The following EXOC7 variants were observed in gnomAD, a reference collection of about 807,000 sequenced individuals.
EXOC7 encodes the protein exocyst complex component 7.
EXOC7 carries 51 observed loss-of-function variants against 87.6 expected under a neutral mutation model. The observed-to-expected ratio is 0.58, with a 90% CI of 0.46 to 0.73. The LOEUF (loss-of-function observed/expected upper bound fraction) is 0.73. Among genes scored for constraint, EXOC7 ranks in the 30% least tolerant of loss-of-function variants. The pLI is 0.00. For synonymous variants in EXOC7, 327 were observed against 357.1 expected (o/e 0.92, Z 0.95); for missense variants, 744 against 888.4 (o/e 0.84, Z 2.07).
At chr17:76,102,450 AC>A (rs2068115457) in intron 2 of EXOC7, among the ~76,000 whole-genome samples, 1 of 147,414 alleles carries the variant, frequency 6.8e-6, no homozygotes, top group Non-Finnish European at 1.5e-5. Context: ...ACACACACAC[AC>A]ACACAATTAG....
intron 12 of EXOC7, 175 bp downstream of exon 12, chr17:76,087,479 A>C: frequency 1.6e-6 from 1 of 629,764 alleles, no homozygotes. Context: ...TCTGGTCTTG[A>C]AAGGTGCAGG....
At chr17:76,090,117 T>C (rs1053165356) in intron 7 of EXOC7, among the ~76,000 whole-genome samples, 5 of 152,204 alleles carry the variant, frequency 3.3e-5, no homozygotes, top group African/African-American at 9.6e-5. Context: ...CTTCTCCCCT[T>C]GGCCCAGGCC....
intron 2 of EXOC7, among the ~76,000 whole-genome samples, chr17:76,102,452 ACAC>A: frequency 1.4e-5 from 2 of 144,866 alleles, no homozygotes; most frequent in Non-Finnish European, 3.0e-5. Context: ...ACACACACAC[ACAC>A]AATTAGCAAG....
chr17:76,089,042 G>A (rs2067349169), intron 8 of EXOC7, 119 bp from the exon 9 acceptor site: 1 of 1,473,162 alleles, frequency 6.8e-7, no homozygotes, highest in Non-Finnish European at 9.3e-7. Flanking sequence ...GTGACGGGGA[G>A]GTGGTGAGCG....
intron 2 of EXOC7, 180 bp downstream of exon 2, chr17:76,103,181 G>A (rs2068158423): frequency 6.5e-6 from 4 of 614,976 alleles, no homozygotes; most frequent in Admixed American, 2.8e-5. Flanking sequence ...GTGAGGGTAC[G>A]GAACATGGGG....
rs756740050 is a variant in EXOC7, at chr17:76,094,403, TG to T, written c.808+10del. ...TGGCTGTTGCAGAGATGGGCCAGGATGGGGGCTCACCTGGCCGCTTGACTGG... is the reference window on the plus strand; with the variant it reads ...TGGCTGTTGCAGAGATGGGCCAGGATGGGGCTCACCTGGCCGCTTGACTGG... On this transcript the variant is annotated intron_variant, in intron 6 of 18. Transcript: ENST00000589210. 6.2e-7 allele frequency: 1 copy of T among 1,610,134 alleles called. No individual in the cohort carries two copies. Among genetic ancestry groups the T allele is most frequent in the East Asian group, 2.2e-5 (1 of 44,864 alleles).
intron 11 of EXOC7, 50 bp from the exon 12 acceptor site, chr17:76,087,770 C>T (rs1267960356): frequency 1.0e-5 from 16 of 1,538,612 alleles, no homozygotes; most frequent in Middle Eastern, 1.8e-4. Context: ...GCCCGGCCGA[C>T]GGCCTCCCAC....
intron 7 of EXOC7, chr17:76,090,318 G>A (rs1238180020): frequency 6.5e-7 from 1 of 1,550,362 alleles, no homozygotes; most frequent in East Asian, 2.4e-5. Context: ...GGGCTGGGCT[G>A]CGGTACTCAC....
At chr17:76,090,194 GGAGA>G in intron 7 of EXOC7, 1 of 981,844 alleles carries the variant, frequency 1.0e-6, no homozygotes, top group South Asian at 1.7e-5. Context: ...GAGAGAGAGT[GGAGA>G]GAGAGGCGCA....
rs774744376 is a variant in EXOC7, at chr17:76,081,739, C to T, written c.*1909G>A. ...TGCAGGCCCTGCCCAGCTCCTCCTCCTGCAACCCACTGCTCAGTAAGCCCT... is the reference window on the plus strand; with the variant it reads ...TGCAGGCCCTGCCCAGCTCCTCCTCTTGCAACCCACTGCTCAGTAAGCCCT... On this transcript the variant is annotated 3_prime_UTR_variant, in exon 19 of 19. Coordinates refer to ENST00000589210, the MANE Select transcript of EXOC7 (RefSeq NM_001013839.4). The T allele has an allele frequency of 3.0e-5, 48 of 1,614,098 alleles. No homozygotes were observed. Among genetic ancestry groups the T allele is most frequent in the Non-Finnish European group, 3.9e-5 (46 of 1,179,994 alleles).
At chr17:76,087,428 G>A (rs1262195436) in intron 12 of EXOC7, 4 of 576,504 alleles carry the variant, frequency 6.9e-6, no homozygotes, top group Non-Finnish European at 9.3e-6. Flanking sequence ...TCCAGGGCGA[G>A]GACGGTCAAA....
Position 76,085,737 on chromosome 17 carries a change from G to A in EXOC7, c.1556C>T (p.Pro519Leu). The A allele has an allele frequency of 6.2e-7, 1 of 1,614,082 alleles. No individual in the cohort carries two copies. Among genetic ancestry groups the A allele is most frequent in the Non-Finnish European group, 8.5e-7 (1 of 1,180,010 alleles). ...LLSKSKVYED[P>L]ALSAIFLHNN... ...GTGCAGGAAGATGGCGCTCAGAGCT[G>A]GGTCCTCGTACACCTTGGACTTGCT... The change falls in exon 14 of 19, where the codon CCA becomes CTA. Residue 519 changes from proline (P) to leucine (L), a missense_variant. Coordinates refer to ENST00000589210, the MANE Select transcript of EXOC7 (RefSeq NM_001013839.4).
At chr17:76,100,019 C>G (rs1349018391) in intron 4 of EXOC7, among the ~76,000 whole-genome samples, 1 of 152,072 alleles carries the variant, frequency 6.6e-6, no homozygotes, top group Admixed American at 6.6e-5. Flanking sequence ...GGAAGACTGC[C>G]TGAGCCCAGG....
rs1414611871 is a variant in EXOC7 at position 76,088,929 on chromosome 17, G to C, written c.1048-6C>G. 6.2e-6 allele frequency: 10 copies of C among 1,611,948 alleles called. No individual in the cohort carries two copies. In the African/African-American group the frequency reaches 9.3e-5, roughly 15 times the overall value. ...ATCAGCCCATCCAGGGCATCCTGAGGGGGCAGGGAGACAGTTCAGGGAAGG... is the reference window on the plus strand; with the variant it reads ...ATCAGCCCATCCAGGGCATCCTGAGCGGGCAGGGAGACAGTTCAGGGAAGG... On this transcript the variant is annotated splice_region_variant and splice_polypyrimidine_tract_variant and intron_variant, in intron 8 of 18. Transcript: ENST00000589210.
chr17:76,096,511 CAAAAAA>C (rs780542530), intron 5 of EXOC7, among the ~76,000 whole-genome samples: 1 of 70,038 alleles, frequency 1.4e-5, no homozygotes, highest in Non-Finnish European at 2.6e-5. Context: ...GACTCTGTCT[CAAAAAA>C]AAAAAAAAAA....
At chr17:76,094,688 C>T (rs1021101468) in intron 5 of EXOC7, 107 bp from the exon 6 acceptor site, 5 of 1,149,186 alleles carry the variant, frequency 4.4e-6, no homozygotes, top group Middle Eastern at 3.0e-4. Flanking sequence ...AGCATCTGCT[C>T]CCTGCTCTGG....
intron 5 of EXOC7, among the ~76,000 whole-genome samples, chr17:76,096,175 C>A (rs1184853683): frequency 6.6e-6 from 1 of 152,170 alleles, no homozygotes; most frequent in Non-Finnish European, 1.5e-5. Context: ...GCGCTGACAA[C>A]TTGGTATGTG....
chr17:76,083,751 C>G lies in EXOC7; in HGVS notation c.1953-1G>C. On this transcript the variant is annotated splice_acceptor_variant, in intron 18 of 18. Coordinates refer to ENST00000589210, the MANE Select transcript of EXOC7 (RefSeq NM_001013839.4). LOFTEE classifies it high-confidence loss of function. ...CTTGGTGAAGGGCACGCTGCCAAAC[C>G]TGAGGAGGCACTGTGGTCAGGGGAC... The G allele has an allele frequency of 6.2e-7, 1 of 1,612,868 alleles. No homozygotes were observed. Among genetic ancestry groups the G allele is most frequent in the Non-Finnish European group, 8.5e-7 (1 of 1,179,896 alleles).
At position 76,082,585 on chromosome 17, in the gene EXOC7, T is replaced by C. The variant is rs1378090801; in HGVS notation, c.*1063A>G. 1 of 1,613,620 alleles carries C rather than the reference T, an allele frequency of 6.2e-7. No homozygotes were observed. The highest frequency in any genetic ancestry group is 2.2e-5 in the East Asian group (1 of 44,872). On this transcript the variant is annotated 3_prime_UTR_variant, in exon 19 of 19. Coordinates refer to ENST00000589210, the MANE Select transcript of EXOC7 (RefSeq NM_001013839.4). ...ATTCGTCTTTGCAGGAATCTGGATG[T>C]GGGCAGCGTGCAAGTCTGACGCAGC...
Sources: allele counts gnomAD v4.1 joint callset (sites outside exome capture counted in the v4.1 genomes callset), GRCh38; gene constraint gnomAD v4.1.1; transcripts MANE v1.5; gene names NCBI Gene and HGNC (gene_info 2026-07-23, HGNC 2026-07-21).